STAU2: variants seen among roughly 807,000 people sequenced by gnomAD.
The protein encoded by STAU2 is double-stranded RNA-binding protein Staufen homolog 2.
A neutral mutation model predicts 65.9 loss-of-function variants in STAU2; 20 were observed. The observed-to-expected ratio is 0.30, with a 90% CI of 0.21 to 0.44. The LOEUF is 0.44. Among genes scored for constraint, STAU2 ranks in the 20% least tolerant of loss-of-function variants. STAU2 has a pLI of 1.00. For missense variants in STAU2, 558 were observed against 683.9 expected, an observed-to-expected ratio of 0.82 and a Z score of 2.05; for synonymous variants, 232 against 233.9, an observed-to-expected ratio of 0.99 and a Z score of 0.07.
chr8:73,559,625 G>A (rs755357670), intron 12 of STAU2, among the ~76,000 whole-genome samples: 6 of 152,172 alleles, frequency 3.9e-5, no homozygotes, highest in Non-Finnish European at 8.8e-5. Context: ...GAGCCTACTG[G>A]ACCACCATGG....
At chr8:73,590,171 GAAA>G (rs564126219) in intron 11 of STAU2, among the ~76,000 whole-genome samples, 140 of 150,414 alleles carry the variant, frequency 9.3e-4, no homozygotes, top group Non-Finnish European at 1.5e-3. Context: ...AGGAGAAGAA[GAAA>G]AGGTGGAGGA....
intron 13 of STAU2, among the ~76,000 whole-genome samples, chr8:73,539,848 CAAA>C (rs539856610): frequency 3.4e-5 from 3 of 87,048 alleles, no homozygotes; most frequent in Admixed American, 2.3e-4. Context: ...CATCCCCATC[CAAA>C]AAAAAAAAAA....
chr8:73,481,994 T>C (rs1422521810), intron 13 of STAU2, among the ~76,000 whole-genome samples: 1 of 152,042 alleles, frequency 6.6e-6, no homozygotes, highest in African/African-American at 2.4e-5. Flanking sequence ...CCCACAGAGG[T>C]GGGGTTCTTT....
At chr8:73,538,291 A>AT (rs888729783) in intron 13 of STAU2, among the ~76,000 whole-genome samples, 13 of 151,892 alleles carry the variant, frequency 8.6e-5, no homozygotes, top group Admixed American at 2.0e-4. Flanking sequence ...AGTCAGTACT[A>AT]TTTTTTTTAC....
intron 13 of STAU2, chr8:73,551,015 G>A: frequency 3.0e-6 from 3 of 986,294 alleles, no homozygotes; most frequent in Non-Finnish European, 3.6e-6. Context: ...TGGTCTTAAG[G>A]AATAAAGACT....
chr8:73,665,529 T>C (rs150222301), intron 6 of STAU2, among the ~76,000 whole-genome samples: 495 of 152,306 alleles, frequency 3.3e-3, no homozygotes, highest in Non-Finnish European at 5.0e-3. Flanking sequence ...ACTGACATAT[T>C]TGTAGGTCAA....
At chr8:73,635,688 G>A (rs1814440348) in intron 6 of STAU2, among the ~76,000 whole-genome samples, 3 of 151,804 alleles carry the variant, frequency 2.0e-5, no homozygotes, top group Non-Finnish European at 1.5e-5. Flanking sequence ...AGCCAGGCAT[G>A]GTGGCAGGCA....
At chr8:73,551,277 GAA>G (rs1234764802) in intron 13 of STAU2, 141 of 987,122 alleles carry the variant, frequency 1.4e-4, no homozygotes, top group Non-Finnish European at 1.7e-4. Context: ...ATAAATAGGG[GAA>G]AAAAAGTTTC....
At chr8:73,531,805 A>G (rs1805838226) in intron 13 of STAU2, among the ~76,000 whole-genome samples, 1 of 152,248 alleles carries the variant, frequency 6.6e-6, no homozygotes, top group Non-Finnish European at 1.5e-5. Context: ...AATCTTCAGA[A>G]CTGACTGGGT....
chr8:73,545,822 T>A (rs1426348778), intron 13 of STAU2, among the ~76,000 whole-genome samples: 4 of 151,774 alleles, frequency 2.6e-5, no homozygotes, highest in Non-Finnish European at 5.9e-5. Context: ...TAATTTTTTG[T>A]ATTTTTAGTA....
intron 5 of STAU2, among the ~76,000 whole-genome samples, chr8:73,685,470 G>A (rs1818737129): frequency 1.3e-5 from 2 of 150,578 alleles, no homozygotes; most frequent in South Asian, 2.1e-4. Context: ...TCCGCCTCCC[G>A]GGTTCACACC....
chr8:73,699,053 C>A (rs1377292259), intron 4 of STAU2, among the ~76,000 whole-genome samples: 1 of 151,778 alleles, frequency 6.6e-6, no homozygotes, highest in Non-Finnish European at 1.5e-5. Context: ...GGAAACTACA[C>A]AAACACATGA....
intron 13 of STAU2, among the ~76,000 whole-genome samples, chr8:73,503,957 G>A (rs893505893): frequency 1.3e-5 from 2 of 152,012 alleles, no homozygotes; most frequent in Admixed American, 6.6e-5. Flanking sequence ...GATATCTGGA[G>A]ACAAAAGGAC....
At chr8:73,582,460 A>AT (rs1346263764) in intron 12 of STAU2, among the ~76,000 whole-genome samples, 1 of 150,086 alleles carries the variant, frequency 6.7e-6, no homozygotes, top group Non-Finnish European at 1.5e-5. Flanking sequence ...TATTTAAATT[A>AT]TTTTTTATAT....
chr8:73,688,417 C>T (rs1168495624), intron 5 of STAU2, among the ~76,000 whole-genome samples: 2 of 151,906 alleles, frequency 1.3e-5, no homozygotes, highest in African/African-American at 2.4e-5. Context: ...CCACCCGCCT[C>T]GGCCTCCCAA....
chr8:73,662,685 C>T (rs1816922607), intron 6 of STAU2, among the ~76,000 whole-genome samples: 1 of 152,050 alleles, frequency 6.6e-6, no homozygotes. Context: ...GGCACAATCT[C>T]AGCTCACCAC....
At chr8:73,462,453 T>C (rs768267577) in intron 13 of STAU2, among the ~76,000 whole-genome samples, 3 of 152,016 alleles carry the variant, frequency 2.0e-5, no homozygotes, top group Non-Finnish European at 2.9e-5. Flanking sequence ...TGGACTTTAG[T>C]GGCATGATCA....
intron 12 of STAU2, among the ~76,000 whole-genome samples, chr8:73,560,845 T>C (rs558697528): frequency 1.6e-4 from 24 of 152,318 alleles, no homozygotes; most frequent in Non-Finnish European, 2.9e-4. Flanking sequence ...GGAAATGCCT[T>C]TGGAAAGCTT....
At chr8:73,621,303 A>G (rs1322096631) in intron 6 of STAU2, among the ~76,000 whole-genome samples, 1 of 152,108 alleles carries the variant, frequency 6.6e-6, no homozygotes, top group Non-Finnish European at 1.5e-5. Context: ...CCCTGCTGGC[A>G]TTCATTTCCT....
Sources: gnomAD v4.1 joint callset for allele counts (sites outside exome capture counted in the v4.1 genomes callset) on GRCh38, gnomAD v4.1.1 for gene constraint, MANE v1.5 for transcripts, NCBI Gene and HGNC (gene_info 2026-07-23, HGNC 2026-07-21) for gene names.